Variants in DCC observed in about 807,000 individuals in gnomAD.
DCC encodes DCC netrin 1 receptor, also known as netrin receptor DCC.
A neutral mutation model predicts 172.5 loss-of-function variants in DCC; 58 were observed. The observed-to-expected ratio is 0.34, with a 90% CI of 0.27 to 0.42. The LOEUF (loss-of-function observed/expected upper bound fraction) is 0.42, where lower values mean the gene tolerates loss of function less well. Among genes scored for constraint, DCC ranks in the 10% least tolerant of loss-of-function variants. The pLI, the probability that DCC is intolerant of heterozygous loss-of-function variation, is 1.00. For missense variants in DCC, 1,740 were observed against 1,791.0 expected, an observed-to-expected ratio of 0.97 and a Z score of 0.51; for synonymous variants, 709 against 644.5, an observed-to-expected ratio of 1.10 and a Z score of -1.52.
intron 5 of DCC, among the ~76,000 whole-genome samples, chr18:53,049,626 C>T (rs1259882616): frequency 6.6e-6 from 1 of 152,054 alleles, no homozygotes; most frequent in Non-Finnish European, 1.5e-5. Context: ...GTGATGCCTC[C>T]AGCTTCGTTC....
intron 1 of DCC, among the ~76,000 whole-genome samples, chr18:52,538,667 C>T (rs2032352673): frequency 6.6e-6 from 1 of 152,184 alleles, no homozygotes; most frequent in Admixed American, 6.5e-5. Context: ...TTCACAGGGC[C>T]AGCCTTGCTA....
In DCC at chr18:53,267,115, C is replaced by CAG. The variant is rs1402459171; in HGVS notation, c.1912-38462_1912-38461insGA. On this transcript the variant is annotated intron_variant, in intron 12 of 28. Coordinates refer to ENST00000442544, the MANE Select transcript of DCC (RefSeq NM_005215.4). Reference sequence around the variant, plus strand: ...ACACACACACACTCTCTCTCTCACACACACACACACACACACACATATATA... The same window carrying CAG: ...ACACACACACACTCTCTCTCTCACACAGACACACACACACACACACATATATA... Among the ~76,000 whole-genome samples, 84 of 148,268 alleles carry CAG rather than the reference C, an allele frequency of 5.7e-4. 1 individual carries two copies. Among genetic ancestry groups the CAG allele is most frequent in the Non-Finnish European group, 7.4e-5 (5 of 67,652 alleles).
chr18:52,925,784 G>A (rs575812471), intron 5 of DCC, among the ~76,000 whole-genome samples: 1 of 151,830 alleles, frequency 6.6e-6, no homozygotes, highest in South Asian at 2.1e-4. Context: ...TCAGTATGTT[G>A]GTAAGATTTT....
chr18:53,390,530 C>T (rs1324477049), intron 16 of DCC, among the ~76,000 whole-genome samples: 2 of 152,016 alleles, frequency 1.3e-5, no homozygotes, highest in African/African-American at 4.8e-5. Flanking sequence ...TATCATATGC[C>T]CAGCCTGAGA....
At chr18:53,128,464 C>T (rs866719618) in intron 7 of DCC, among the ~76,000 whole-genome samples, 1 of 151,984 alleles carries the variant, frequency 6.6e-6, no homozygotes, top group South Asian at 2.1e-4. Context: ...CCATCCTATC[C>T]TAACGACAAT....
chr18:53,057,222 A>G (rs1198799464), intron 5 of DCC, among the ~76,000 whole-genome samples: 2 of 152,108 alleles, frequency 1.3e-5, no homozygotes, highest in East Asian at 3.9e-4. Context: ...CTCAAATCAC[A>G]GAAGAAATTT....
intron 1 of DCC, among the ~76,000 whole-genome samples, chr18:52,386,443 G>A (rs1985803124): frequency 6.6e-6 from 1 of 152,004 alleles, no homozygotes; most frequent in East Asian, 1.9e-4. Context: ...AGTAAATGAT[G>A]TTTTTTCTTG....
chr18:52,978,671 G>A lies in DCC; in HGVS notation c.985+53301G>A, dbSNP rs539210231. On this transcript the variant is annotated intron_variant, in intron 5 of 28. Coordinates refer to ENST00000442544, the MANE Select transcript of DCC (RefSeq NM_005215.4). ...TGCAGGACTCAATTCCAGAAGCCATGCCCTTAATGACCTGCGAAATGCCTG... is the reference window on the plus strand; with the variant it reads ...TGCAGGACTCAATTCCAGAAGCCATACCCTTAATGACCTGCGAAATGCCTG... Among the ~76,000 whole-genome samples, 34 of 152,236 alleles carry A rather than the reference G, an allele frequency of 2.2e-4. 1 individual carries two copies. In the South Asian group the frequency reaches 5.0e-3, roughly 22 times the overall value.
chr18:52,543,016 G>A (rs951748073), intron 1 of DCC, among the ~76,000 whole-genome samples: 4 of 152,226 alleles, frequency 2.6e-5, no homozygotes, highest in Non-Finnish European at 5.9e-5. Context: ...GTTAAGATGA[G>A]AGCTTTTTAC....
intron 5 of DCC, among the ~76,000 whole-genome samples, chr18:52,979,831 A>G (rs1343888918): frequency 1.3e-5 from 2 of 152,166 alleles, no homozygotes; most frequent in Non-Finnish European, 2.9e-5. Context: ...AGCATAAAGA[A>G]CTTTGGAGGG....
chr18:52,346,188 A>C (rs770827472), intron 1 of DCC, among the ~76,000 whole-genome samples: 1 of 152,236 alleles, frequency 6.6e-6, no homozygotes, highest in Non-Finnish European at 1.5e-5. Context: ...CCTGCAGGCC[A>C]ATAAAAAATG....
At chr18:52,465,717 G>T (rs1210558803) in intron 1 of DCC, among the ~76,000 whole-genome samples, 2 of 151,000 alleles carry the variant, frequency 1.3e-5, no homozygotes, top group African/African-American at 4.8e-5. Flanking sequence ...CTTGAAGGAG[G>T]AGTACACACG....
rs17754214 is a variant in DCC, at chr18:52,365,076, A to G, written c.91+24198A>G. 1.5e-3 allele frequency among the ~76,000 whole-genome samples: 226 copies of G among 152,322 alleles called. 9 individuals are homozygous for G. In the East Asian group the frequency reaches 0.038, roughly 26 times the overall value. ...TGTGTTTGAAAATAAATTGAGTTGG[A>G]AAATATCTAGAGGTTTCTTCACTAT... On this transcript the variant is annotated intron_variant, in intron 1 of 28. Coordinates refer to ENST00000442544, the MANE Select transcript of DCC (RefSeq NM_005215.4).
chr18:53,249,485 G>GA (rs973460225), intron 12 of DCC, among the ~76,000 whole-genome samples: 16 of 151,524 alleles, frequency 1.1e-4, no homozygotes, highest in Non-Finnish European at 1.6e-4. Flanking sequence ...TCTATTTCAT[G>GA]AAAAAAATAG....
intron 8 of DCC, among the ~76,000 whole-genome samples, chr18:53,161,748 C>A (rs1182567335): frequency 2.6e-5 from 4 of 152,104 alleles, no homozygotes; most frequent in African/African-American, 9.7e-5. Flanking sequence ...AGGCCAAAAT[C>A]TTTGAAATAA....
At chr18:53,283,314 A>T (rs978944321) in intron 12 of DCC, among the ~76,000 whole-genome samples, 2 of 152,142 alleles carry the variant, frequency 1.3e-5, no homozygotes, top group African/African-American at 4.8e-5. Flanking sequence ...GCTATAAACA[A>T]GTGTATTCTG....
intron 7 of DCC, among the ~76,000 whole-genome samples, chr18:53,084,626 A>T (rs2042853413): frequency 6.6e-6 from 1 of 152,186 alleles, no homozygotes; most frequent in African/African-American, 2.4e-5. Flanking sequence ...GCAAGGGCTC[A>T]CAAGCCAAGC....
At chr18:52,693,755 G>C (rs1026016021) in intron 1 of DCC, among the ~76,000 whole-genome samples, 6 of 152,046 alleles carry the variant, frequency 3.9e-5, no homozygotes, top group Non-Finnish European at 8.8e-5. Context: ...AGGTACCCTG[G>C]AGACAATATG....
At chr18:52,942,549 G>A (rs980912968) in intron 5 of DCC, among the ~76,000 whole-genome samples, 1 of 152,188 alleles carries the variant, frequency 6.6e-6, no homozygotes, top group Non-Finnish European at 1.5e-5. Context: ...CCACATGGCT[G>A]GGAAGGCTCA....
Sources: gnomAD v4.1 joint callset for allele counts (sites outside exome capture counted in the v4.1 genomes callset) on GRCh38, gnomAD v4.1.1 for gene constraint, MANE v1.5 for transcripts, NCBI Gene and HGNC (gene_info 2026-07-23, HGNC 2026-07-21) for gene names.